Variants in OTULINL observed in about 807,000 individuals in gnomAD.
OTULINL encodes the protein OTU deubiquitinase with linear linkage specificity like.
OTULINL carries 42 observed loss-of-function variants against 43.9 expected under a neutral mutation model. That is an observed-to-expected ratio of 0.96 (90% CI 0.75 to 1.24). The LOEUF (loss-of-function observed/expected upper bound fraction) is 1.24. OTULINL is among the 50% of genes most tolerant of loss of function. The pLI is 0.00. For synonymous variants in OTULINL, 172 were observed against 153.6 expected (o/e 1.12, Z -0.88); for missense variants, 411 against 426.4 (o/e 0.96, Z 0.32).
intron 5 of OTULINL, among the ~76,000 whole-genome samples, chr5:14,606,992 G>A (rs1759491137): frequency 6.6e-6 from 1 of 152,188 alleles, no homozygotes; most frequent in Admixed American, 6.5e-5. Flanking sequence ...ACTTTGGGAG[G>A]CCAAGGCGGG....
Position 14,615,666 on chromosome 5 carries a change from G to A in OTULINL, c.*5352G>A, listed in dbSNP as rs532573400. Among the ~76,000 whole-genome samples the A allele has an allele frequency of 3.3e-5, 5 of 152,182 alleles. No individual in the cohort carries two copies. The highest frequency in any genetic ancestry group is 1.9e-4 in the East Asian group (1 of 5,194). On this transcript the variant is annotated 3_prime_UTR_variant, in exon 8 of 8. Transcript: ENST00000274217. ...CTGTTATGAAAAGCTACCTTTAGCC[G>A]TAGATAAACATTAAAAGGAAGACTC... is the stretch of plus-strand genomic sequence containing the variant.
chr5:14,594,749 G>A (rs1156257619), intron 1 of OTULINL, among the ~76,000 whole-genome samples: 1 of 152,244 alleles, frequency 6.6e-6, no homozygotes, highest in East Asian at 1.9e-4. Context: ...TGACCTAAAA[G>A]CCATATTCAC....
chr5:14,590,061 C>T lies in OTULINL; in HGVS notation c.64+8103C>T, dbSNP rs367931166. On this transcript the variant is annotated intron_variant, in intron 1 of 7. Coordinates refer to ENST00000274217, the MANE Select transcript of OTULINL (RefSeq NM_019018.3). Reference sequence around the variant, plus strand: ...CTTACTTTGGCCAAAGGGAAATGGGCACAAAACAGACACACAAAACAGACA... The same window carrying T: ...CTTACTTTGGCCAAAGGGAAATGGGTACAAAACAGACACACAAAACAGACA... 4.5e-4 allele frequency among the ~76,000 whole-genome samples: 68 copies of T among 151,806 alleles called. 1 individual carries two copies. Among genetic ancestry groups the T allele is most frequent in the African/African-American group, 1.6e-3 (66 of 41,092 alleles).
chr5:14,582,098 G>T (rs1375264392), intron 1 of OTULINL, 140 bp downstream of exon 1: 2 of 595,458 alleles, frequency 3.4e-6, no homozygotes, highest in East Asian at 4.2e-5. Context: ...CCTGGAGCCC[G>T]GGAGCTGGAG....
At chr5:14,582,461 A>G (rs1336864045) in intron 1 of OTULINL, among the ~76,000 whole-genome samples, 1 of 151,796 alleles carries the variant, frequency 6.6e-6, no homozygotes, top group African/African-American at 2.4e-5. Flanking sequence ...GCGGCAGTCG[A>G]GACTTGCTAA....
intron 1 of OTULINL, 93 bp downstream of exon 1, chr5:14,582,051 C>G (rs915263217): frequency 2.0e-5 from 18 of 909,376 alleles, no homozygotes; most frequent in Non-Finnish European, 2.6e-5. Context: ...GCGCCCTCCT[C>G]GGCGGCCACC....
At chr5:14,589,474 C>T (rs1303486749) in intron 1 of OTULINL, among the ~76,000 whole-genome samples, 1 of 152,014 alleles carries the variant, frequency 6.6e-6, no homozygotes, top group Non-Finnish European at 1.5e-5. Context: ...AGGGAGGGGT[C>T]AGGGTCAGAC....
chr5:14,582,813 C>A (rs1759033468), intron 1 of OTULINL, among the ~76,000 whole-genome samples: 1 of 50,194 alleles, frequency 2.0e-5, no homozygotes, highest in Admixed American at 2.5e-4. Context: ...CTTGCTCTGT[C>A]CAAAAAAAAA....
chr5:14,585,934 A>G (rs1759095286), intron 1 of OTULINL, among the ~76,000 whole-genome samples: 1 of 152,234 alleles, frequency 6.6e-6, no homozygotes, highest in South Asian at 2.1e-4. Context: ...TTGGGTTAAC[A>G]TTTGTATACT....
intron 1 of OTULINL, among the ~76,000 whole-genome samples, chr5:14,583,516 G>T (rs189371094): frequency 2.7e-3 from 418 of 152,286 alleles, no homozygotes; most frequent in Admixed American, 6.0e-3. Context: ...AGGCAGAAAG[G>T]TGCCTTCTCC....
intron 1 of OTULINL, among the ~76,000 whole-genome samples, chr5:14,591,031 A>G (rs142660246): frequency 5.9e-5 from 9 of 152,346 alleles, no homozygotes; most frequent in East Asian, 1.9e-4. Context: ...AGGGAGACCA[A>G]TCAAAAGGAT....
intron 1 of OTULINL, among the ~76,000 whole-genome samples, chr5:14,596,210 A>G (rs1311917833): frequency 6.6e-6 from 1 of 152,060 alleles, no homozygotes; most frequent in Non-Finnish European, 1.5e-5. Context: ...TTTATGTAGA[A>G]TGACTGAATT....
At chr5:14,610,077 A>G in intron 7 of OTULINL, 64 bp from the exon 8 acceptor site, 1 of 1,432,294 alleles carries the variant, frequency 7.0e-7, no homozygotes, top group Admixed American at 1.7e-5. Context: ...ACTTCCCCCC[A>G]CCGTGGCGGG....
intron 1 of OTULINL, among the ~76,000 whole-genome samples, chr5:14,582,472 C>T (rs755646630): frequency 6.6e-6 from 1 of 151,860 alleles, no homozygotes; most frequent in Non-Finnish European, 1.5e-5. Context: ...GACTTGCTAA[C>T]AACACAGAAT....
chr5:14,588,534 A>AG (rs1478099826), intron 1 of OTULINL, among the ~76,000 whole-genome samples: 1 of 152,232 alleles, frequency 6.6e-6, no homozygotes, highest in Non-Finnish European at 1.5e-5. Context: ...AAAAGTCAGA[A>AG]GGGACCACCA....
rs1262242435 is a variant in OTULINL at position 14,601,345 on chromosome 5, G to T, written c.257-6G>T. The T allele has an allele frequency of 1.2e-6, 2 of 1,613,746 alleles. No homozygotes were observed. The highest frequency in any genetic ancestry group is 1.7e-6 in the Non-Finnish European group (2 of 1,179,930). ...TTAACAGCTTTTTATTTTTTATTTG[G>T]TCCAGGGAACCTCAGTGTGGAGGCA... On this transcript the variant is annotated splice_polypyrimidine_tract_variant and splice_region_variant and intron_variant, in intron 3 of 7. Coordinates refer to ENST00000274217, the MANE Select transcript of OTULINL (RefSeq NM_019018.3).
intron 1 of OTULINL, among the ~76,000 whole-genome samples, chr5:14,582,970 G>A (rs1759041616): frequency 6.6e-6 from 1 of 152,088 alleles, no homozygotes; most frequent in Admixed American, 6.5e-5. Flanking sequence ...GCTGCTGCTT[G>A]GTTTTGAAGG....
chr5:14,611,201 A>G lies in OTULINL; in HGVS notation c.*887A>G, dbSNP rs1484575583. 6.6e-6 allele frequency: 1 copy of G among 152,338 alleles called. No homozygotes were observed. The highest frequency in any genetic ancestry group is 1.9e-4 in the East Asian group (1 of 5,184). The allele number at this position is 152,338 out of a possible 1,614,324, so 9.4% of individuals were successfully genotyped here. On this transcript the variant is annotated 3_prime_UTR_variant, in exon 8 of 8. Transcript: ENST00000274217. ...AGCCGTAAAGGGCTAAATGGGTTAA[A>G]TGGGAAAGGAGAATTAAGGTTGCAG...
chr5:14,601,604 C>T (rs182740609), intron 4 of OTULINL, among the ~76,000 whole-genome samples, 162 bp downstream of exon 4: 7 of 152,330 alleles, frequency 4.6e-5, no homozygotes, highest in Admixed American at 3.9e-4. Flanking sequence ...GGCTGTTAGA[C>T]CTTGGCTTTG....
Sources: gnomAD v4.1 joint callset for allele counts (sites outside exome capture counted in the v4.1 genomes callset) on GRCh38, gnomAD v4.1.1 for gene constraint, MANE v1.5 for transcripts, NCBI Gene and HGNC (gene_info 2026-07-23, HGNC 2026-07-21) for gene names.